SNX30: variants seen among roughly 807,000 people sequenced by gnomAD.
SNX30 encodes sorting nexin-30.
SNX30 carries 24 observed loss-of-function variants against 46.4 expected under a neutral mutation model. The ratio of observed to expected loss-of-function variants is 0.52; its 90% confidence interval spans 0.37 to 0.73. The LOEUF is 0.73. Ranked by LOEUF, SNX30 falls within the 30% of genes least tolerant of loss-of-function variation. The pLI is 0.00. For missense variants in SNX30, 533 were observed against 555.7 expected (o/e 0.96, Z 0.41); for synonymous variants, 189 against 211.5 (o/e 0.89, Z 0.92).
Position 112,836,555 on chromosome 9 carries a change from G to T in SNX30, c.814+146G>T. 1 of 854,810 alleles carries T rather than the reference G, an allele frequency of 1.2e-6. No individual in the cohort carries two copies. The highest frequency in any genetic ancestry group is 2.7e-5 in the East Asian group (1 of 36,796). 53.0% of individuals were successfully genotyped at this position (854,810 alleles called of 1,614,324 possible). A position where few individuals can be genotyped will look rare whatever the true frequency, so the allele number is the denominator to read the frequency against. ...GCTTATCAAAGAAATACAAGGAGGGGAGGAGTTACTTGTGACTGGAATGTC... is the reference window on the plus strand; with the variant it reads ...GCTTATCAAAGAAATACAAGGAGGGTAGGAGTTACTTGTGACTGGAATGTC... On this transcript the variant is annotated intron_variant, in intron 5 of 8. Coordinates refer to ENST00000374232, the MANE Select transcript of SNX30 (RefSeq NM_001012994.2).
rs183957364 is a variant in SNX30, at chr9:112,829,919, G to C, written c.460-806G>C. 1.1e-4 allele frequency among the ~76,000 whole-genome samples: 17 copies of C among 152,006 alleles called. No homozygotes were observed. In the East Asian group the frequency reaches 3.3e-3, roughly 29 times the overall value. The stretch of plus-strand genomic sequence containing the variant: ...AGAGAAATATCTATTAGATTTAGTT[G>C]CCTATTTTTTAAATGTACAATTTTA... On this transcript the variant is annotated intron_variant, in intron 3 of 8. Transcript: ENST00000374232.
chr9:112,865,645 A>G lies in SNX30; in HGVS notation c.1254+1246A>G, dbSNP rs189442562. 1.9e-4 allele frequency among the ~76,000 whole-genome samples: 16 copies of G among 84,364 alleles called. 2 individuals carry two copies. The highest frequency in any genetic ancestry group is 1.4e-3 in the East Asian group (4 of 2,916). 55.3% of individuals were successfully genotyped at this position (84,364 alleles called of 152,430 possible). On this transcript the variant is annotated intron_variant, in intron 8 of 8. Transcript: ENST00000374232. ...ACGCCATATATATATATATATATATATATATATATATATATATGTATGTAT... is the reference window on the plus strand; with the variant it reads ...ACGCCATATATATATATATATATATGTATATATATATATATATGTATGTAT...
At chr9:112,868,521 C>G (rs532656067) in intron 8 of SNX30, among the ~76,000 whole-genome samples, 91 of 152,330 alleles carry the variant, frequency 6.0e-4, no homozygotes, top group Middle Eastern at 6.8e-3. Context: ...TTTCCATTCA[C>G]TGGATCTGAG....
At chr9:112,815,613 G>A (rs993157174) in intron 2 of SNX30, among the ~76,000 whole-genome samples, 5 of 152,058 alleles carry the variant, frequency 3.3e-5, no homozygotes, top group Admixed American at 6.6e-5. Flanking sequence ...AGCCCACCTC[G>A]GCCTCCCAAA....
chr9:112,759,471 T>C (rs1384135570), intron 1 of SNX30, among the ~76,000 whole-genome samples: 1 of 152,154 alleles, frequency 6.6e-6, no homozygotes, highest in Non-Finnish European at 1.5e-5. Context: ...GGCTCACGCT[T>C]GTAATCCTAG....
intron 1 of SNX30, among the ~76,000 whole-genome samples, chr9:112,772,505 G>A (rs1370194581): frequency 1.3e-5 from 2 of 152,178 alleles, no homozygotes; most frequent in African/African-American, 4.8e-5. Flanking sequence ...TGTGGTACTC[G>A]TGTGTGCGTG....
chr9:112,837,905 T>C (rs1347448890), intron 5 of SNX30, among the ~76,000 whole-genome samples: 4 of 146,674 alleles, frequency 2.7e-5, no homozygotes, highest in African/African-American at 1.0e-4. Context: ...TTTTTTTTTT[T>C]TTTTTGACGG....
At chr9:112,862,945 A>C (rs1016769512) in intron 7 of SNX30, among the ~76,000 whole-genome samples, 1 of 152,036 alleles carries the variant, frequency 6.6e-6, no homozygotes, top group Non-Finnish European at 1.5e-5. Flanking sequence ...CTTGCTTTTA[A>C]ATTTCCAGAG....
At chr9:112,816,767 G>C (rs1167191581) in intron 2 of SNX30, among the ~76,000 whole-genome samples, 2 of 152,138 alleles carry the variant, frequency 1.3e-5, no homozygotes, top group African/African-American at 4.8e-5. Context: ...GATGTAGCTT[G>C]ACCCATTTTT....
chr9:112,781,271 T>G (rs952114299), intron 1 of SNX30, among the ~76,000 whole-genome samples: 3 of 152,250 alleles, frequency 2.0e-5, no homozygotes, highest in Admixed American at 1.3e-4. Context: ...ATTTACATAA[T>G]TTGTTCATTT....
At chr9:112,862,289 G>C (rs1343067473) in intron 7 of SNX30, among the ~76,000 whole-genome samples, 1 of 152,148 alleles carries the variant, frequency 6.6e-6, no homozygotes, top group African/African-American at 2.4e-5. Context: ...TCTCTTTCCA[G>C]GGCTTTCCAT....
intron 3 of SNX30, among the ~76,000 whole-genome samples, chr9:112,822,634 A>C (rs1273223336): frequency 6.8e-6 from 1 of 147,734 alleles, no homozygotes; most frequent in East Asian, 2.0e-4. Flanking sequence ...CACATTTTAC[A>C]GCATGCAACA....
intron 1 of SNX30, among the ~76,000 whole-genome samples, chr9:112,797,269 C>T (rs1413233430): frequency 1.3e-5 from 2 of 152,210 alleles, no homozygotes; most frequent in Non-Finnish European, 2.9e-5. Flanking sequence ...AAAAATCTAT[C>T]TTTCCCTTCC....
intron 1 of SNX30, among the ~76,000 whole-genome samples, chr9:112,779,074 G>A (rs1332424367): frequency 6.6e-6 from 1 of 152,358 alleles, no homozygotes; most frequent in African/African-American, 2.4e-5. Context: ...AATTACTGAT[G>A]GTCTGAGGAT....
In SNX30 at chr9:112,871,670, A is replaced by T. The variant is rs1006981731; in HGVS notation, c.*2827A>T. On this transcript the variant is annotated 3_prime_UTR_variant, in exon 9 of 9. Transcript: ENST00000374232. ...TCCCTAGCAGCCGCCCCAGGCCTGG[A>T]AAGTGGGAGATTTCATTCGCCCGGG... The T allele has an allele frequency of 6.6e-6, 1 of 152,166 alleles. No individual in the cohort carries two copies. The highest frequency in any genetic ancestry group is 2.4e-5 in the African/African-American group (1 of 41,448). 9.4% of individuals were successfully genotyped at this position (152,166 alleles called of 1,614,324 possible).
At chr9:112,862,021 G>C (rs1323437063) in intron 7 of SNX30, among the ~76,000 whole-genome samples, 2 of 152,198 alleles carry the variant, frequency 1.3e-5, no homozygotes, top group Admixed American at 6.5e-5. Context: ...TTTGTCTGTT[G>C]AGACCCAAGC....
rs543137154 is a variant in SNX30 at position 112,751,274 on chromosome 9, G to T, written c.156+117G>T. Reference sequence around the variant, plus strand: ...CCCACCCTGCCGCCCCTTCCCGGGGGACGGGCGTGTCCTGGCCCCGGAGCC... The same window carrying T: ...CCCACCCTGCCGCCCCTTCCCGGGGTACGGGCGTGTCCTGGCCCCGGAGCC... On this transcript the variant is annotated intron_variant, in intron 1 of 8. Coordinates refer to ENST00000374232, the MANE Select transcript of SNX30 (RefSeq NM_001012994.2). The T allele has an allele frequency of 2.1e-4, 262 of 1,222,846 alleles. 2 individuals are homozygous for T. The South Asian group carries it at 4.7e-3, about 22-fold the overall frequency. The allele number at this position is 1,222,846 out of a possible 1,614,324, so 75.7% of individuals were successfully genotyped here.
chr9:112,782,679 T>TG (rs5900015), intron 1 of SNX30, among the ~76,000 whole-genome samples: 133,465 of 152,246 alleles, frequency 0.88, 58,649 homozygotes, highest in Middle Eastern at 0.91. Flanking sequence ...ATAGTTATCA[T>TG]TATTAAAACT....
chr9:112,841,008 C>T (rs903628382), intron 6 of SNX30, among the ~76,000 whole-genome samples: 1 of 151,908 alleles, frequency 6.6e-6, no homozygotes, highest in African/African-American at 2.4e-5. Flanking sequence ...GTGATCCGCC[C>T]GCCTCGGCCT....
Sources: allele counts gnomAD v4.1 joint callset (sites outside exome capture counted in the v4.1 genomes callset), GRCh38; gene constraint gnomAD v4.1.1; transcripts MANE v1.5; gene names NCBI Gene and HGNC (gene_info 2026-07-23, HGNC 2026-07-21).